Variants in RASA1 observed in about 807,000 individuals in gnomAD.
RASA1 encodes the protein RAS p21 protein activator 1.
RASA1 carries 25 observed loss-of-function variants against 132.2 expected under a neutral mutation model. That is an observed-to-expected ratio of 0.19 (90% CI 0.14 to 0.26). The LOEUF is 0.26. Ranked by LOEUF, RASA1 falls within the 10% of genes least tolerant of loss-of-function variation. The pLI is 1.00. For missense variants in RASA1, 964 were observed against 1,299.2 expected (o/e 0.74, Z 3.97); for synonymous variants, 477 against 449.9 (o/e 1.06, Z -0.76).
rs1472785141 is a variant in RASA1, at chr5:87,391,870, A to AGTATT, written c.*988_*992dup. The AGTATT allele has an allele frequency of 1.3e-5, 3 of 230,658 alleles. No homozygotes were observed. Among genetic ancestry groups the AGTATT allele is most frequent in the African/African-American group, 6.7e-5 (3 of 45,052 alleles). 14.3% of individuals were successfully genotyped at this position (230,658 alleles called of 1,614,324 possible). Reference sequence around the variant, plus strand: ...TACTTCTGTATGTGTATTTTTGTGAAGTATTCACAAAGGTTAAGTTAAAAT... The same window carrying AGTATT: ...TACTTCTGTATGTGTATTTTTGTGAAGTATTGTATTCACAAAGGTTAAGTTAAAAT... On this transcript the variant is annotated 3_prime_UTR_variant, in exon 25 of 25. Coordinates refer to ENST00000274376, the MANE Select transcript of RASA1 (RefSeq NM_002890.3).
Position 87,337,841 on chromosome 5 carries a change from T to A in RASA1, c.900-133T>A, listed in dbSNP as rs146710956. On this transcript the variant is annotated intron_variant, in intron 4 of 24. Transcript: ENST00000274376. ...ATAATGCCAGAAATAGGATACAAAT[T>A]TAGGGTGTTTGACTCTAATTCCTTA... 147 of 906,672 alleles carry A rather than the reference T, an allele frequency of 1.6e-4. No homozygotes were observed. The East Asian group carries it at 4.3e-3, about 26-fold the overall frequency. The allele number at this position is 906,672 out of a possible 1,614,324, so 56.2% of individuals were successfully genotyped here.
intron 4 of RASA1, among the ~76,000 whole-genome samples, chr5:87,334,420 A>G (rs554969367): frequency 1.3e-5 from 2 of 152,306 alleles, no homozygotes; most frequent in Admixed American, 1.3e-4. Flanking sequence ...CTCTGATTCA[A>G]ATGCTAATCT....
intron 1 of RASA1, among the ~76,000 whole-genome samples, chr5:87,283,148 G>GTTTTTTTTTT (rs200461511): frequency 7.7e-5 from 8 of 103,238 alleles, no homozygotes; most frequent in African/African-American, 2.2e-4. Context: ...TTTTTTTTGT[G>GTTTTTTTTTT]TTTTTTTTTT....
chr5:87,316,950 T>C (rs1756386852), intron 1 of RASA1, among the ~76,000 whole-genome samples: 1 of 151,866 alleles, frequency 6.6e-6, no homozygotes, highest in Admixed American at 6.6e-5. Flanking sequence ...TGGCGAAATC[T>C]CGGCTTACTG....
chr5:87,280,997 A>T (rs1199739844), intron 1 of RASA1, among the ~76,000 whole-genome samples: 1 of 150,882 alleles, frequency 6.6e-6, no homozygotes, highest in Non-Finnish European at 1.5e-5. Context: ...CCAGTTATCC[A>T]CTGAACATTT....
intron 12 of RASA1, among the ~76,000 whole-genome samples, chr5:87,370,534 T>C (rs1760851420): frequency 6.6e-6 from 1 of 152,214 alleles, no homozygotes; most frequent in Non-Finnish European, 1.5e-5. Context: ...TTCTGGCTTA[T>C]GCCTGTAGTC....
At chr5:87,390,696 A>G in intron 24 of RASA1, 104 bp from the exon 25 acceptor site, 2 of 859,286 alleles carry the variant, frequency 2.3e-6, no homozygotes, top group Non-Finnish European at 3.9e-6. Context: ...GTAATATTTT[A>G]TGCATCCTTT....
intron 1 of RASA1, among the ~76,000 whole-genome samples, chr5:87,329,281 C>CAAA (rs571157213): frequency 1.8e-4 from 21 of 119,180 alleles, no homozygotes; most frequent in African/African-American, 4.6e-4. Context: ...TCTGTCTCTC[C>CAAA]AAAAAAAAAA....
chr5:87,288,550 A>G (rs1221393119), intron 1 of RASA1, among the ~76,000 whole-genome samples: 3 of 152,168 alleles, frequency 2.0e-5, no homozygotes, highest in Non-Finnish European at 2.9e-5. Flanking sequence ...CGATGTGGTC[A>G]TAATGGACTC....
intron 1 of RASA1, among the ~76,000 whole-genome samples, chr5:87,272,363 A>G (rs1753883383): frequency 6.6e-6 from 1 of 152,134 alleles, no homozygotes; most frequent in African/African-American, 2.4e-5. Context: ...CATCTTAGTT[A>G]TCAACCCAGA....
chr5:87,359,018 CAT>C (rs1759872038), intron 9 of RASA1, among the ~76,000 whole-genome samples: 1 of 152,196 alleles, frequency 6.6e-6, no homozygotes, highest in Non-Finnish European at 1.5e-5. Flanking sequence ...TACCTTCTAA[CAT>C]GTAGTACAAT....
chr5:87,354,609 A>G (rs903134659), intron 9 of RASA1, among the ~76,000 whole-genome samples: 1 of 152,110 alleles, frequency 6.6e-6, no homozygotes, highest in Admixed American at 6.6e-5. Flanking sequence ...AAATTGGGCC[A>G]ATTAATAACC....
chr5:87,289,892 A>T (rs546413568), intron 1 of RASA1, among the ~76,000 whole-genome samples: 1 of 151,976 alleles, frequency 6.6e-6, no homozygotes, highest in Non-Finnish European at 1.5e-5. Context: ...CACAGGCATG[A>T]GCCACCGTGC....
intron 1 of RASA1, among the ~76,000 whole-genome samples, chr5:87,312,753 ATTC>A (rs1274064206): frequency 2.0e-5 from 3 of 152,208 alleles, no homozygotes; most frequent in African/African-American, 7.2e-5. Context: ...TCTCAGCTTC[ATTC>A]TTTCTTCTTA....
chr5:87,284,219 G>C (rs553483728), intron 1 of RASA1, among the ~76,000 whole-genome samples: 2 of 152,246 alleles, frequency 1.3e-5, no homozygotes, highest in Admixed American at 6.5e-5. Flanking sequence ...ATGAAGTGAG[G>C]ATGCAATTGT....
intron 23 of RASA1, among the ~76,000 whole-genome samples, chr5:87,387,395 T>TAATA (rs1372939615): frequency 6.6e-6 from 1 of 152,176 alleles, no homozygotes; most frequent in African/African-American, 2.4e-5. Flanking sequence ...TGGGCCTTGT[T>TAATA]AATAAAATAA....
chr5:87,299,948 G>T (rs1755287525), intron 1 of RASA1, among the ~76,000 whole-genome samples: 1 of 152,180 alleles, frequency 6.6e-6, no homozygotes, highest in South Asian at 2.1e-4. Context: ...TTAACATTAT[G>T]TAGAGGCAAC....
At chr5:87,297,963 A>T (rs993666928) in intron 1 of RASA1, among the ~76,000 whole-genome samples, 1 of 152,072 alleles carries the variant, frequency 6.6e-6, no homozygotes, top group Non-Finnish European at 1.5e-5. Flanking sequence ...ATTTTTCTCT[A>T]TCTGCCTACC....
intron 18 of RASA1, among the ~76,000 whole-genome samples, chr5:87,379,136 C>G (rs540563520): frequency 2.0e-4 from 31 of 152,228 alleles, no homozygotes; most frequent in Admixed American, 5.9e-4. Flanking sequence ...ACAATGGACA[C>G]TGGGACCTAG....
Sources: allele counts gnomAD v4.1 joint callset (sites outside exome capture counted in the v4.1 genomes callset), GRCh38; gene constraint gnomAD v4.1.1; transcripts MANE v1.5; gene names NCBI Gene and HGNC (gene_info 2026-07-23, HGNC 2026-07-21).